Variants in PKP3 observed in about 807,000 individuals in gnomAD.
The protein encoded by PKP3 is plakophilin-3.
In PKP3, 66 loss-of-function variants were observed where a neutral mutation model predicts 76.5. That is an observed-to-expected ratio of 0.86 (90% CI 0.71 to 1.06). The LOEUF (loss-of-function observed/expected upper bound fraction) is 1.06. PKP3 is among the 50% of genes least tolerant of loss of function. The pLI, the probability that PKP3 is intolerant of heterozygous loss-of-function variation, is 0.00. For synonymous variants in PKP3, 638 were observed against 516.5 expected (o/e 1.24, Z -3.19); for missense variants, 1,338 against 1,141.0 (o/e 1.17, Z -2.49).
In PKP3 at chr11:398,102, G is replaced by A. The variant is rs370010676; in HGVS notation, c.1068+440G>A. 2.2e-4 allele frequency among the ~76,000 whole-genome samples: 11 copies of A among 50,782 alleles called. No homozygotes were observed. The East Asian group carries it at 6.4e-3, about 30-fold the overall frequency. 33.3% of individuals were successfully genotyped at this position (50,782 alleles called of 152,430 possible). A position where few individuals can be genotyped will look rare whatever the true frequency, so the allele number is the denominator to read the frequency against. On this transcript the variant is annotated intron_variant, in intron 4 of 12. Coordinates refer to ENST00000331563, the MANE Select transcript of PKP3 (RefSeq NM_007183.4). Reference sequence around the variant, plus strand: ...ACACCTCCGTCACCTCCGTACCCCCGCACACACCTGTGTCACCTCCCTACC... The same window carrying A: ...ACACCTCCGTCACCTCCGTACCCCCACACACACCTGTGTCACCTCCCTACC...
intron 4 of PKP3, among the ~76,000 whole-genome samples, chr11:398,517 A>G (rs375059838): frequency 3.5e-4 from 6 of 17,140 alleles, no homozygotes; most frequent in Admixed American, 1.4e-3. Context: ...ACACACCTGC[A>G]TCACCTCCGT....
Position 403,697 on chromosome 11 carries a change from A to G in PKP3, c.2003A>G (p.Asp668Gly), listed in dbSNP as rs1660970671. The change falls in exon 10 of 13, where the codon GAC becomes GGC. Residue 668 changes from aspartate to glycine, a missense_variant. Transcript: ENST00000331563. Reference protein sequence around the residue: ...NPLLDRVRTADHHQLRSLTGL... With the variant: ...NPLLDRVRTAGHHQLRSLTGL... ...CTGCTAGACCGTGTCAGGACCGCCG[A>G]CCACCACCAGCTGCGCTCACTGACT... The G allele has an allele frequency of 3.7e-6, 6 of 1,610,338 alleles. No individual in the cohort carries two copies. The highest frequency in any genetic ancestry group is 5.1e-6 in the Non-Finnish European group (6 of 1,179,790).
rs1288133387 is a variant in PKP3, at chr11:397,590, C to A, written c.996C>A (p.Asp332Glu). Residue 332 changes from aspartate to glutamate, a missense_variant, in exon 4 of 13, where the codon GAC (aspartate) becomes GAA (glutamate). Transcript: ENST00000331563. ...PSAVKYLMAS[D>E]PNLQVLGAAY... ...CAGTCAAGTACCTCATGGCTTCAGA[C>A]CCCAACCTGCAGGTGCTGGGAGCGG... The A allele has an allele frequency of 2.5e-6, 4 of 1,612,148 alleles. No individual in the cohort carries two copies. The highest frequency in any genetic ancestry group is 3.4e-6 in the Non-Finnish European group (4 of 1,179,526).
chr11:394,947 G>A (rs543512252), intron 1 of PKP3, among the ~76,000 whole-genome samples: 1 of 152,232 alleles, frequency 6.6e-6, no homozygotes, highest in South Asian at 2.1e-4. Context: ...TGAGCAGAAC[G>A]GGAAAGCGGG....
Position 397,230 on chromosome 11 carries a change from C to G in PKP3, c.729C>G (p.Ile243Met). The G allele has an allele frequency of 1.9e-6, 3 of 1,599,628 alleles. No individual in the cohort carries two copies. Among genetic ancestry groups the G allele is most frequent in the Non-Finnish European group, 2.5e-6 (3 of 1,178,944 alleles). Residue 243 changes from isoleucine (I) to methionine (M), a missense_variant, in exon 3 of 13, where the codon ATC (isoleucine) becomes ATG (methionine). Coordinates refer to ENST00000331563, the MANE Select transcript of PKP3 (RefSeq NM_007183.4). ...CTGAGGTTTCCCCGAGCCGGACCATCCGTGCCCCTGCCGTGCGGACCCTGC... is the reference window on the plus strand; with the variant it reads ...CTGAGGTTTCCCCGAGCCGGACCATGCGTGCCCCTGCCGTGCGGACCCTGC... ...EATEVSPSRTIRAPAVRTLQR... is the reference protein window; with the variant it reads ...EATEVSPSRTMRAPAVRTLQR...
chr11:400,787 G>GC (rs1847143758), intron 8 of PKP3, 82 bp downstream of exon 8: 1 of 583,296 alleles, frequency 1.7e-6, no homozygotes, highest in Non-Finnish European at 2.0e-6. Flanking sequence ...CCCCCGCCCC[G>GC]CTCACCCCCG....
chr11:394,253 G>C lies in PKP3; in HGVS notation c.-40G>C. 2 of 1,458,318 alleles carry C rather than the reference G, an allele frequency of 1.4e-6. No homozygotes were observed. The highest frequency in any genetic ancestry group is 5.7e-5 in the East Asian group (2 of 35,308). 90.3% of individuals were successfully genotyped at this position (1,458,318 alleles called of 1,614,324 possible). A position where few individuals can be genotyped will look rare whatever the true frequency, so the allele number is the denominator to read the frequency against. ...ACAGGACGTGAAGATAGTTGGGTTT[G>C]GAGGCGGCCGCCAGGCCCAGGCCCG... On this transcript the variant is annotated 5_prime_UTR_variant, in exon 1 of 13. Coordinates refer to ENST00000331563, the MANE Select transcript of PKP3 (RefSeq NM_007183.4).
chr11:397,877 T>TACCTCATC, intron 4 of PKP3: 1 of 510,598 alleles, frequency 2.0e-6, no homozygotes, highest in East Asian at 3.5e-5. Flanking sequence ...CCCCCACATA[T>TACCTCATC]ACCTCATCAC....
In PKP3 at chr11:397,239, TGC is replaced by T; in HGVS notation, c.739_740del (p.Ala247ArgfsTer43). The T allele has an allele frequency of 1.3e-6, 2 of 1,599,808 alleles. No individual in the cohort carries two copies. The highest frequency in any genetic ancestry group is 1.7e-6 in the Non-Finnish European group (2 of 1,178,710). On this transcript the variant is annotated frameshift_variant, in exon 3 of 13. Transcript: ENST00000331563. LOFTEE classifies it high-confidence loss of function. Reference protein sequence around the residue: ...VSPSRTIRAPAVRTLQRFQSS... With the variant: ...VSPSRTIRAPXVRTLQRFQSS... ...CCCCGAGCCGGACCATCCGTGCCCC[TGC>T]CGTGCGGACCCTGCAGCGATTCCAG...
chr11:403,032 CGA>C, intron 8 of PKP3, 44 bp from the exon 9 acceptor site: 18 of 664,122 alleles, frequency 2.7e-5, no homozygotes, highest in East Asian at 1.0e-4. Flanking sequence ...CCGCTCACCC[CGA>C]CCCGCTCACC....
Position 400,112 on chromosome 11 carries a change from G to A in PKP3, c.1419G>A (p.Glu473=), listed in dbSNP as rs778781073. 10 of 1,573,968 alleles carry A rather than the reference G, an allele frequency of 6.4e-6. No individual in the cohort carries two copies. Among genetic ancestry groups the A allele is most frequent in the Non-Finnish European group, 8.6e-6 (10 of 1,164,654 alleles). Residue 473 remains glutamate (E), a synonymous_variant, in exon 6 of 13, where the codon GAG becomes GAA. Transcript: ENST00000331563. ...PLIQQNASEA[E]IFYNATGFLR... ...TCCAGCAGAACGCCTCGGAGGCAGA[G>A]ATCTTCTACAACGCCACCGGCTTCC... is the stretch of plus-strand genomic sequence containing the variant.
chr11:403,023 C>T (rs1847181798), intron 8 of PKP3, 55 bp from the exon 9 acceptor site: 2 of 782,010 alleles, frequency 2.6e-6, no homozygotes, highest in Non-Finnish European at 3.3e-6. Context: ...CACCCCGACC[C>T]GCTCACCCCG....
In PKP3 at chr11:397,554, C is replaced by T. The variant is rs372449553; in HGVS notation, c.960C>T (p.Asp320=). The change falls in exon 4 of 13, where the codon GAC becomes GAT. Residue 320 remains aspartate (D), a synonymous_variant. Transcript: ENST00000331563. ...QRLSSGFDDI[D]LPSAVKYLMA... ...GGCTCCGCAGTTTTGATGACATTGACCTGCCCTCAGCAGTCAAGTACCTCA... is the reference window on the plus strand; with the variant it reads ...GGCTCCGCAGTTTTGATGACATTGATCTGCCCTCAGCAGTCAAGTACCTCA... 3 of 1,612,136 alleles carry T rather than the reference C, an allele frequency of 1.9e-6. No individual in the cohort carries two copies. The African/African-American group carries it at 4.0e-5, about 22-fold the overall frequency.
intron 1 of PKP3, among the ~76,000 whole-genome samples, chr11:394,931 C>T (rs1269334351): frequency 1.3e-5 from 2 of 152,214 alleles, no homozygotes; most frequent in South Asian, 2.1e-4. Flanking sequence ...CCATACCTCA[C>T]GGGAATGAGC....
chr11:396,986 T>C lies in PKP3; in HGVS notation c.485T>C (p.Val162Ala). The change falls in exon 3 of 13, where the codon GTG becomes GCG. Residue 162 changes from valine to alanine, a missense_variant. Val to Ala is a moderately conservative substitution (Grantham distance 64). Transcript: ENST00000331563. ...ACCCCTCCCATGCCCACCAGGCCCG[T>C]GTCCTTCCATGAGCGCGGTGGGGTT... ...QPTPPMPTRPVSFHERGGVGS... is the reference protein window; with the variant it reads ...QPTPPMPTRPASFHERGGVGS... The C allele has an allele frequency of 6.3e-7, 1 of 1,595,644 alleles. No individual in the cohort carries two copies.
chr11:397,602 G>A lies in PKP3; in HGVS notation c.1008G>A (p.Gln336=), dbSNP rs1221103183. 1.9e-6 allele frequency: 3 copies of A among 1,612,106 alleles called. No homozygotes were observed. Residue 336 remains glutamine (Q), a synonymous_variant, in exon 4 of 13, where the codon CAG becomes CAA. Coordinates refer to ENST00000331563, the MANE Select transcript of PKP3 (RefSeq NM_007183.4). ...TCATGGCTTCAGACCCCAACCTGCA[G>A]GTGCTGGGAGCGGCCTACATCCAGC... The part of the protein sequence containing the change: ...KYLMASDPNL[Q]VLGAAYIQHK...
Position 399,980 on chromosome 11 carries a change from C to A in PKP3, c.1287C>A (p.Asn429Lys). 2 of 1,603,240 alleles carry A rather than the reference C, an allele frequency of 1.2e-6. No individual in the cohort carries two copies. The highest frequency in any genetic ancestry group is 1.7e-6 in the Non-Finnish European group (2 of 1,176,448). The change falls in exon 6 of 13, where the codon AAC becomes AAA. Residue 429 changes from asparagine (N) to lysine (K), a missense_variant. By Grantham distance (94) the Asn-to-Lys change is moderately conservative (BLOSUM62 0). Transcript: ENST00000331563. ...CCCGTCCTCCAGGGATCCTGTGGAA[C>A]CTTTCATCCAGCGACCACCTGAAGG... The part of the protein sequence containing the change: ...LRKNVTGILW[N>K]LSSSDHLKDR...
chr11:399,957 C>T lies in PKP3; in HGVS notation c.1274-10C>T, dbSNP rs756717794. 30 of 1,589,302 alleles carry T rather than the reference C, an allele frequency of 1.9e-5. No individual in the cohort carries two copies. In the Admixed American group the frequency reaches 1.9e-4, roughly 10 times the overall value. On this transcript the variant is annotated splice_polypyrimidine_tract_variant and intron_variant, in intron 5 of 12. Coordinates refer to ENST00000331563, the MANE Select transcript of PKP3 (RefSeq NM_007183.4). ...GGCAGACGCTGATAGCAGCCTCCCCCGTCCTCCAGGGATCCTGTGGAACCT... is the reference window on the plus strand; with the variant it reads ...GGCAGACGCTGATAGCAGCCTCCCCTGTCCTCCAGGGATCCTGTGGAACCT...
intron 4 of PKP3, among the ~76,000 whole-genome samples, chr11:398,313 C>T (rs1281619926): frequency 2.3e-5 from 1 of 42,968 alleles, no homozygotes; most frequent in East Asian, 1.3e-3. Flanking sequence ...CACACACCTG[C>T]GTCACCTCCG....
Sources: gnomAD v4.1 joint callset for allele counts (sites outside exome capture counted in the v4.1 genomes callset) on GRCh38, gnomAD v4.1.1 for gene constraint, MANE v1.5 for transcripts, NCBI Gene and HGNC (gene_info 2026-07-23, HGNC 2026-07-21) for gene names.